Variants in PHC3 observed in about 807,000 individuals in gnomAD.
The protein encoded by PHC3 is polyhomeotic-like protein 3.
PHC3 carries 13 observed loss-of-function variants against 107.4 expected under a neutral mutation model. The ratio of observed to expected loss-of-function variants is 0.12; its 90% CI spans 0.08 to 0.19. The LOEUF is 0.19. PHC3 is among the 10% of genes least tolerant of loss of function. The pLI, the probability that PHC3 is intolerant of heterozygous loss-of-function variation, is 1.00. For missense variants in PHC3, 992 were observed against 1,210.9 expected (o/e 0.82, Z 2.68); for synonymous variants, 456 against 427.4 (o/e 1.07, Z -0.83).
chr3:170,129,880 A>C (rs1434735965), intron 7 of PHC3, among the ~76,000 whole-genome samples: 3 of 152,096 alleles, frequency 2.0e-5, no homozygotes, highest in Non-Finnish European at 4.4e-5. Context: ...CTGTATTTTT[A>C]GTAGAGACGG....
At chr3:170,150,799 T>A (rs1260267621) in intron 4 of PHC3, 1 of 347,094 alleles carries the variant, frequency 2.9e-6, no homozygotes, top group East Asian at 1.2e-4. Flanking sequence ...GGTAACTGGT[T>A]GTATCTATAA....
chr3:170,160,396 T>C (rs1480305952), intron 4 of PHC3, among the ~76,000 whole-genome samples: 1 of 152,226 alleles, frequency 6.6e-6, no homozygotes, highest in Admixed American at 6.5e-5. Context: ...TATCTAAGCA[T>C]AGTTCTTCAA....
intron 4 of PHC3, 93 bp from the exon 5 acceptor site, chr3:170,149,337 A>G: frequency 7.9e-7 from 1 of 1,270,680 alleles, no homozygotes; most frequent in African/African-American, 1.5e-5. Flanking sequence ...AATCAATGGT[A>G]TAAACTGTGG....
At chr3:170,178,175 G>T (rs571257814) in intron 2 of PHC3, among the ~76,000 whole-genome samples, 1 of 143,268 alleles carries the variant, frequency 7.0e-6, no homozygotes, top group Non-Finnish European at 1.5e-5. Context: ...ACGGAGTCTC[G>T]TTCTGTCGCT....
rs1476863480 is a variant in PHC3, at chr3:170,090,645, T to C, written c.*6585A>G. ...AAAAGGAAAGAGAATAAAGTAGGAA[T>C]AACCCCATTACACAGCCTAGAATCA... On this transcript the variant is annotated 3_prime_UTR_variant, in exon 15 of 15. Coordinates refer to ENST00000495893, the MANE Select transcript of PHC3 (RefSeq NM_024947.4). 6.6e-6 allele frequency: 1 copy of C among 152,192 alleles called. No homozygotes were observed. The highest frequency in any genetic ancestry group is 1.5e-5 in the Non-Finnish European group (1 of 68,022). 9.4% of individuals were successfully genotyped at this position (152,192 alleles called of 1,614,324 possible). A position where few individuals can be genotyped will look rare whatever the true frequency, so the allele number is the denominator to read the frequency against.
At chr3:170,127,758 A>C (rs1721581954) in intron 8 of PHC3, among the ~76,000 whole-genome samples, 1 of 152,340 alleles carries the variant, frequency 6.6e-6, no homozygotes, top group East Asian at 1.9e-4. Context: ...TCTTCTCCTC[A>C]GTTACAAATT....
intron 11 of PHC3, among the ~76,000 whole-genome samples, chr3:170,112,111 G>A (rs1717911032): frequency 6.6e-6 from 1 of 152,096 alleles, no homozygotes; most frequent in African/African-American, 2.4e-5. Context: ...AAACTTTGCT[G>A]CTTTTAAATA....
chr3:170,116,107 A>C (rs1364362670), intron 10 of PHC3, among the ~76,000 whole-genome samples: 5 of 152,236 alleles, frequency 3.3e-5, no homozygotes, highest in Non-Finnish European at 5.9e-5. Flanking sequence ...CTTAGCTTCA[A>C]GTTGTAAGAC....
At chr3:170,177,258 T>C (rs1213775199) in intron 2 of PHC3, among the ~76,000 whole-genome samples, 1 of 152,228 alleles carries the variant, frequency 6.6e-6, no homozygotes, top group African/African-American at 2.4e-5. Context: ...GTTGGGGCTC[T>C]AGGTTGAATG....
Position 170,145,510 on chromosome 3 carries a change from T to C in PHC3, c.585A>G (p.Thr195=), listed in dbSNP as rs745721596. 26 of 1,611,608 alleles carry C rather than the reference T, an allele frequency of 1.6e-5. No homozygotes were observed. The highest frequency in any genetic ancestry group is 2.2e-5 in the Non-Finnish European group (26 of 1,178,548). ...GTACAGCAGCCACAGTGGTAGCGGG[T>C]GTGAAAATCAGCTGTACAGACAGAA... ...MYLRAQMLIF[T]PATTVAAVQS... Residue 195 remains threonine (T), a synonymous_variant, in exon 6 of 15, where the codon ACA becomes ACG. Coordinates refer to ENST00000495893, the MANE Select transcript of PHC3 (RefSeq NM_024947.4).
intron 8 of PHC3, among the ~76,000 whole-genome samples, chr3:170,124,483 C>T (rs1720948345): frequency 6.6e-6 from 1 of 152,132 alleles, no homozygotes; most frequent in Non-Finnish European, 1.5e-5. Flanking sequence ...CAAGCTCAGC[C>T]TCCTGAGTAG....
intron 4 of PHC3, among the ~76,000 whole-genome samples, chr3:170,166,526 T>A (rs957842650): frequency 6.6e-6 from 1 of 152,232 alleles, no homozygotes; most frequent in African/African-American, 2.4e-5. Flanking sequence ...ATCATTTTTT[T>A]AACTAATCCT....
chr3:170,137,714 C>G (rs1000247805), intron 6 of PHC3, among the ~76,000 whole-genome samples: 1 of 152,222 alleles, frequency 6.6e-6, no homozygotes. Context: ...GCCTGGCCAA[C>G]ATGGTGAAAC....
chr3:170,165,626 C>T (rs1318917269), intron 4 of PHC3, among the ~76,000 whole-genome samples: 1 of 151,670 alleles, frequency 6.6e-6, no homozygotes, highest in East Asian at 1.9e-4. Flanking sequence ...TGGTGGTAAA[C>T]GCCTGTAATT....
intron 5 of PHC3, chr3:170,148,039 G>C (rs1356334220): frequency 6.6e-6 from 1 of 152,134 alleles, no homozygotes; most frequent in Non-Finnish European, 1.5e-5. Context: ...TGGGAGGTGA[G>C]GCAGGTGGAT....
intron 11 of PHC3, among the ~76,000 whole-genome samples, chr3:170,111,789 T>C (rs1044912122): frequency 3.9e-5 from 6 of 152,148 alleles, no homozygotes; most frequent in Admixed American, 3.9e-4. Flanking sequence ...GTCATCCTTT[T>C]AAGTTAGAAA....
At position 170,181,694 on chromosome 3, in the gene PHC3, T is replaced by C. The variant is rs915577821; in HGVS notation, c.14+8A>G. ...AGTTACGACATCAGTCACCATCTAG[T>C]CACTCACTCCGCTTCCGCCATCTTC... On this transcript the variant is annotated splice_region_variant and intron_variant, in intron 1 of 14. Coordinates refer to ENST00000495893, the MANE Select transcript of PHC3 (RefSeq NM_024947.4). 3.1e-6 allele frequency: 5 copies of C among 1,613,210 alleles called. No homozygotes were observed. Among genetic ancestry groups the C allele is most frequent in the East Asian group, 4.5e-5 (2 of 44,844 alleles).
rs1577058227 is a variant in PHC3, at chr3:170,122,832, G to A, written c.1789-88C>T. The A allele has an allele frequency of 2.8e-6, 4 of 1,437,524 alleles. No individual in the cohort carries two copies. The East Asian group carries it at 7.2e-5, about 26-fold the overall frequency. The allele number at this position is 1,437,524 out of a possible 1,614,324, so 89.0% of individuals were successfully genotyped here. A position where few individuals can be genotyped will look rare whatever the true frequency, so the allele number is the denominator to read the frequency against. ...AATTTCAGAAAATTAAATTCTATGT[G>A]TATTAAATTTAAAAACAAGGCAAAA... On this transcript the variant is annotated intron_variant, in intron 8 of 14. Transcript: ENST00000495893.
chr3:170,140,693 A>G (rs1022543438), intron 6 of PHC3, among the ~76,000 whole-genome samples: 4 of 145,506 alleles, frequency 2.7e-5, no homozygotes, highest in African/African-American at 1.0e-4. Context: ...TCTCGGGTGC[A>G]AGCGATTCTC....
Sources: allele counts gnomAD v4.1 joint callset (sites outside exome capture counted in the v4.1 genomes callset), GRCh38; gene constraint gnomAD v4.1.1; transcripts MANE v1.5; gene names NCBI Gene and HGNC (gene_info 2026-07-23, HGNC 2026-07-21).